Variants in CSNK2A2IP observed in about 807,000 individuals in gnomAD.
CSNK2A2IP encodes casein kinase II subunit alpha'-interacting protein.
the CSNK2A2IP span, chr3:88,399,696 G>C: frequency 6.6e-6 from 1 of 152,158 alleles, no homozygotes; most frequent in Admixed American, 6.5e-5. Flanking sequence ...GCGAGCCCCA[G>C]GGTGCTAATC....
the CSNK2A2IP span, among the ~76,000 whole-genome samples, chr3:88,375,144 T>A: frequency 2.6e-5 from 4 of 151,892 alleles, no homozygotes; most frequent in East Asian, 7.7e-4. Flanking sequence ...CACATTTGAA[T>A]GGTTCACTTA....
the CSNK2A2IP span, among the ~76,000 whole-genome samples, chr3:88,460,554 CTT>C: frequency 6.6e-6 from 1 of 152,036 alleles, no homozygotes; most frequent in African/African-American, 2.4e-5. Context: ...TCGGATGTGT[CTT>C]TTTAAATTAG....
At chr3:88,447,328 C>T in the CSNK2A2IP span, among the ~76,000 whole-genome samples, 1 of 152,092 alleles carries the variant, frequency 6.6e-6, no homozygotes, top group East Asian at 1.9e-4. Context: ...CAAGTGTTTG[C>T]AAGGGAGCTA....
chr3:88,357,041 T>C, the CSNK2A2IP span, among the ~76,000 whole-genome samples: 4 of 152,252 alleles, frequency 2.6e-5, no homozygotes, highest in Non-Finnish European at 2.9e-5. Flanking sequence ...TTTGCAAATA[T>C]TTTCTCCTGT....
At chr3:88,399,052 A>G in the CSNK2A2IP span, among the ~76,000 whole-genome samples, 2 of 152,166 alleles carry the variant, frequency 1.3e-5, no homozygotes, top group African/African-American at 4.8e-5. Flanking sequence ...ATAAAGACAA[A>G]CAAAAAGATA....
chr3:88,350,934 C>T, the CSNK2A2IP span, among the ~76,000 whole-genome samples: 20 of 152,154 alleles, frequency 1.3e-4, no homozygotes, highest in South Asian at 2.1e-4. Context: ...TTTTAGGATC[C>T]AAAGAAGAGA....
chr3:88,465,455 A>T, the CSNK2A2IP span: 1 of 1,231,710 alleles, frequency 8.1e-7, no homozygotes. Context: ...CATACAGGTG[A>T]AAAACTAAAT....
At chr3:88,430,052 C>A in the CSNK2A2IP span, among the ~76,000 whole-genome samples, 1 of 152,056 alleles carries the variant, frequency 6.6e-6, no homozygotes, top group Admixed American at 6.6e-5. Context: ...TGAGCCACTG[C>A]GCCCGGCCGA....
the CSNK2A2IP span, among the ~76,000 whole-genome samples, chr3:88,395,459 T>C: frequency 6.6e-6 from 1 of 152,338 alleles, no homozygotes; most frequent in East Asian, 1.9e-4. Flanking sequence ...CTTACTACAT[T>C]TGTGAACATA....
the CSNK2A2IP span, among the ~76,000 whole-genome samples, chr3:88,363,391 A>G: frequency 6.6e-6 from 1 of 152,118 alleles, no homozygotes; most frequent in African/African-American, 2.4e-5. Context: ...TGGAAGTTAG[A>G]TTTGGGCCTT....
chr3:88,350,599 TGA>T, the CSNK2A2IP span, among the ~76,000 whole-genome samples: 61,214 of 112,644 alleles, frequency 0.54, 14,355 homozygotes, highest in South Asian at 0.7. Flanking sequence ...TCAAAGATGA[TGA>T]AAAAAAAAAA....
chr3:88,418,463 T>TGTGCGCGCGCGCGCGCGCGCGC, the CSNK2A2IP span, among the ~76,000 whole-genome samples: 52 of 149,534 alleles, frequency 3.5e-4, no homozygotes, highest in African/African-American at 1.2e-3. Context: ...TGTGTGTGTG[T>TGTGCGCGCGCGCGCGCGCGCGC]GCGCGCGGGC....
At chr3:88,383,229 C>T in the CSNK2A2IP span, among the ~76,000 whole-genome samples, 1 of 152,132 alleles carries the variant, frequency 6.6e-6, no homozygotes, top group Non-Finnish European at 1.5e-5. Context: ...TAACAAATTT[C>T]TTAAAATAAA....
the CSNK2A2IP span, among the ~76,000 whole-genome samples, chr3:88,389,604 C>T: frequency 6.6e-6 from 1 of 152,164 alleles, no homozygotes; most frequent in Non-Finnish European, 1.5e-5. Flanking sequence ...TGAGAATAGA[C>T]TGCATGGAGG....
the CSNK2A2IP span, among the ~76,000 whole-genome samples, chr3:88,365,322 C>T: frequency 6.6e-6 from 1 of 152,076 alleles, no homozygotes; most frequent in Non-Finnish European, 1.5e-5. Flanking sequence ...AACTTTTAGG[C>T]AGGATTTTTG....
chr3:88,422,932 T>C, the CSNK2A2IP span, among the ~76,000 whole-genome samples: 1 of 152,238 alleles, frequency 6.6e-6, no homozygotes, highest in Non-Finnish European at 1.5e-5. Context: ...TTTTTTGTAA[T>C]TGAGATTGTT....
the CSNK2A2IP span, among the ~76,000 whole-genome samples, chr3:88,463,343 C>A: frequency 6.6e-6 from 1 of 151,884 alleles, no homozygotes; most frequent in Non-Finnish European, 1.5e-5. Flanking sequence ...GTATGACACC[C>A]TATGAATTGC....
chr3:88,373,751 A>G, the CSNK2A2IP span, among the ~76,000 whole-genome samples: 1 of 151,356 alleles, frequency 6.6e-6, no homozygotes, highest in Non-Finnish European at 1.5e-5. Context: ...AACTTGACAG[A>G]GCAAGCAAAA....
chr3:88,466,783 T>G, the CSNK2A2IP span: 5 of 856,110 alleles, frequency 5.8e-6, no homozygotes, highest in East Asian at 1.7e-4. Flanking sequence ...TTATGTGGTT[T>G]GCTTAGCTTG....
Sources: gnomAD v4.1 joint callset for allele counts (sites outside exome capture counted in the v4.1 genomes callset) on GRCh38, gnomAD v4.1.1 for gene constraint, MANE v1.5 for transcripts, NCBI Gene and HGNC (gene_info 2026-07-23, HGNC 2026-07-21) for gene names.